The following CLDN11 variants were observed in gnomAD, a reference collection of about 807,000 sequenced individuals.
CLDN11 encodes claudin-11.
A neutral mutation model predicts 18.0 loss-of-function variants in CLDN11; 1 was observed. The ratio of observed to expected loss-of-function variants is 0.06; its 90% CI spans 0.02 to 0.26. The LOEUF (loss-of-function observed/expected upper bound fraction) is 0.26. CLDN11 is among the 10% of genes least tolerant of loss of function. The pLI, the probability that CLDN11 is intolerant of heterozygous loss-of-function variation, is 1.00. For synonymous variants in CLDN11, 116 were observed against 121.5 expected (o/e 0.96, Z 0.30); for missense variants, 172 against 276.6 (o/e 0.62, Z 2.68).
At chr3:170,430,993 A>G (rs1422050192) in intron 2 of CLDN11, among the ~76,000 whole-genome samples, 1 of 152,192 alleles carries the variant, frequency 6.6e-6, no homozygotes. Flanking sequence ...GATAGAAATC[A>G]TATCTTCCTA....
rs1469526720 is a variant in CLDN11, at chr3:170,418,893, C to A, written c.-174C>A. ...AGCGCTGCTGTCCCCGCCGTGCGCC[C>A]TTCGCCGCTGAGCTCGCAGCCTCCG... On this transcript the variant is annotated 5_prime_UTR_variant, in exon 1 of 3. Transcript: ENST00000064724. The surrounding 1 kb of genome is among the most constrained non-coding windows in gnomAD (Gnocchi z 4.3). The A allele has an allele frequency of 1.8e-6, 1 of 570,798 alleles. No homozygotes were observed. The highest frequency in any genetic ancestry group is 3.1e-6 in the Non-Finnish European group (1 of 323,108). 35.4% of individuals were successfully genotyped at this position (570,798 alleles called of 1,614,324 possible).
rs146067468 is a variant in CLDN11 at position 170,425,606 on chromosome 3, G to A, written c.391+2279G>A. Among the ~76,000 whole-genome samples, 1,451 of 152,282 alleles carry A rather than the reference G, an allele frequency of 9.5e-3. 25 individuals are homozygous for A. The highest frequency in any genetic ancestry group is 0.034 in the African/African-American group (1,400 of 41,550). ...ATCACAGAGGAAGAAAGCAAGGTGG[G>A]GCTGGGGAGTGGGTGAGTGCCTCAG... is the stretch of plus-strand genomic sequence containing the variant. On this transcript the variant is annotated intron_variant, in intron 2 of 2. Coordinates refer to ENST00000064724, the MANE Select transcript of CLDN11 (RefSeq NM_005602.6).
Position 170,420,090 on chromosome 3 carries a change from C to T in CLDN11, c.226+798C>T, listed in dbSNP as rs911050581. Among the ~76,000 whole-genome samples the T allele has an allele frequency of 2.0e-5, 3 of 152,242 alleles. No individual in the cohort carries two copies. In the South Asian group the frequency reaches 6.2e-4, roughly 31 times the overall value. On this transcript the variant is annotated intron_variant, in intron 1 of 2. Coordinates refer to ENST00000064724, the MANE Select transcript of CLDN11 (RefSeq NM_005602.6). The stretch of plus-strand genomic sequence containing the variant: ...CCGCCGAGGGTCGCTCGCCGCCACC[C>T]CTCCAGCGTGTCTCAGATTGGGAAG...
rs1049522986 is a variant in CLDN11, at chr3:170,419,856, C to G, written c.226+564C>G. ...CGCTGAGCAATTCACGTCCAGGGCT[C>G]TCTGGGCTGCCTGGTTTGGGAAATG... On this transcript the variant is annotated intron_variant, in intron 1 of 2. Transcript: ENST00000064724. This position sits in a 1 kb window ranked among gnomAD's most constrained non-coding sequence, Gnocchi z 8.6. Among the ~76,000 whole-genome samples, 1 of 152,276 alleles carries G rather than the reference C, an allele frequency of 6.6e-6. No individual in the cohort carries two copies.
At chr3:170,427,791 A>C (rs1458243951) in intron 2 of CLDN11, among the ~76,000 whole-genome samples, 1 of 149,278 alleles carries the variant, frequency 6.7e-6, no homozygotes, top group Non-Finnish European at 1.5e-5. Flanking sequence ...CCTGGGCGAC[A>C]GAGTGAGACT....
At chr3:170,420,905 T>A (rs1428510859) in intron 1 of CLDN11, among the ~76,000 whole-genome samples, 1 of 152,130 alleles carries the variant, frequency 6.6e-6, no homozygotes, top group Non-Finnish European at 1.5e-5. Context: ...CAACCACCCA[T>A]CTTTCACGAT....
intron 2 of CLDN11, among the ~76,000 whole-genome samples, chr3:170,430,017 A>C (rs1738957640): frequency 1.3e-5 from 2 of 151,934 alleles, no homozygotes; most frequent in Admixed American, 1.3e-4. Context: ...TCAGCTTTTC[A>C]CTCCCCTTCT....
chr3:170,428,835 A>C lies in CLDN11; in HGVS notation c.392-3689A>C, dbSNP rs543789595. Among the ~76,000 whole-genome samples, 19 of 152,364 alleles carry C rather than the reference A, an allele frequency of 1.2e-4. 1 individual carries two copies. The East Asian group carries it at 2.3e-3, about 19-fold the overall frequency. ...AAATAAACTCTGATGATATAAAAAG[A>C]AAAAGAACAAAAATTCCCTTTGTCT... On this transcript the variant is annotated intron_variant, in intron 2 of 2. Coordinates refer to ENST00000064724, the MANE Select transcript of CLDN11 (RefSeq NM_005602.6).
chr3:170,426,842 C>T (rs541273029), intron 2 of CLDN11, among the ~76,000 whole-genome samples: 3 of 152,176 alleles, frequency 2.0e-5, no homozygotes, highest in East Asian at 1.9e-4. Flanking sequence ...AGTGCAGTGG[C>T]GCAATCTTGG....
rs578027337 is a variant in CLDN11, at chr3:170,427,976, G to A, written c.392-4548G>A. On this transcript the variant is annotated intron_variant, in intron 2 of 2. Transcript: ENST00000064724. ...GTTCGAAACCAGCCTGGCCAACATGGCAAAACCCCATCCCTACTAAAAATA... is the reference window on the plus strand; with the variant it reads ...GTTCGAAACCAGCCTGGCCAACATGACAAAACCCCATCCCTACTAAAAATA... Among the ~76,000 whole-genome samples the A allele has an allele frequency of 2.0e-5, 3 of 151,926 alleles. No individual in the cohort carries two copies. In the South Asian group the frequency reaches 6.2e-4, roughly 32 times the overall value.
chr3:170,434,479 G>T lies in CLDN11; in HGVS notation c.*1723G>T, dbSNP rs1045793106. ...GAGAATTAACGAAACCTATTTTATT[G>T]GATCTTTAAGTAATAATATCTAAAT... On this transcript the variant is annotated 3_prime_UTR_variant, in exon 3 of 3. Coordinates refer to ENST00000064724, the MANE Select transcript of CLDN11 (RefSeq NM_005602.6). 2.6e-5 allele frequency among the ~76,000 whole-genome samples: 4 copies of T among 152,264 alleles called. No homozygotes were observed. In the South Asian group the frequency reaches 8.3e-4, roughly 32 times the overall value.
chr3:170,431,511 G>A (rs1289571018), intron 2 of CLDN11, among the ~76,000 whole-genome samples: 1 of 152,104 alleles, frequency 6.6e-6, no homozygotes, highest in Non-Finnish European at 1.5e-5. Context: ...TCAAAATTCA[G>A]TTCTTCATCT....
Position 170,419,012 on chromosome 3 carries a change from C to T in CLDN11, c.-55C>T. ...CGTACCTGGGCAGGCACTGTCCAGC[C>T]CAGGCCCAGGCACAGCCGTGAGGGG... On this transcript the variant is annotated 5_prime_UTR_variant, in exon 1 of 3. Transcript: ENST00000064724. This position sits in a 1 kb window ranked among gnomAD's most constrained non-coding sequence, Gnocchi z 8.6. 7.3e-7 allele frequency: 1 copy of T among 1,365,542 alleles called. No homozygotes were observed. The highest frequency in any genetic ancestry group is 1.0e-6 in the Non-Finnish European group (1 of 981,858). 84.6% of individuals were successfully genotyped at this position (1,365,542 alleles called of 1,614,324 possible). A position where few individuals can be genotyped will look rare whatever the true frequency, so the allele number is the denominator to read the frequency against.
At chr3:170,422,752 G>A (rs1381927006) in intron 1 of CLDN11, among the ~76,000 whole-genome samples, 1 of 152,186 alleles carries the variant, frequency 6.6e-6, no homozygotes, top group Non-Finnish European at 1.5e-5. Flanking sequence ...TGGAAAATAA[G>A]ACATCATGGT....
Position 170,423,201 on chromosome 3 carries a change from T to A in CLDN11, c.265T>A (p.Ser89Thr), listed in dbSNP as rs769233760. ...CTGCCGCGCCCTGATGATTGCTGCC[T>A]CGGTCCTGGGTCTGCCGGCCATTTT... Reference protein sequence around the residue: ...QACRALMIAASVLGLPAILLL... With the variant: ...QACRALMIAATVLGLPAILLL... The change falls in exon 2 of 3, where the codon TCG (serine) becomes ACG (threonine). Residue 89 changes from serine (S) to threonine (T), a missense_variant. Physicochemically the swap from Ser to Thr is moderately conservative, Grantham distance 58. Coordinates refer to ENST00000064724, the MANE Select transcript of CLDN11 (RefSeq NM_005602.6). 6.2e-7 allele frequency: 1 copy of A among 1,614,078 alleles called. No homozygotes were observed. Among genetic ancestry groups the A allele is most frequent in the African/African-American group, 1.3e-5 (1 of 74,926 alleles).
At position 170,432,504 on chromosome 3, in the gene CLDN11, G is replaced by A. The variant is rs371975234; in HGVS notation, c.392-20G>A. The A allele has an allele frequency of 3.1e-5, 50 of 1,610,090 alleles. No homozygotes were observed. The African/African-American group carries it at 4.3e-4, about 14-fold the overall frequency. Reference sequence around the variant, plus strand: ...TGTGTGATGGTTGCGCCCAGTCACCGCCTCTCCATGTCTCTCCAGCTCTCT... The same window carrying A: ...TGTGTGATGGTTGCGCCCAGTCACCACCTCTCCATGTCTCTCCAGCTCTCT... On this transcript the variant is annotated intron_variant, in intron 2 of 2. Coordinates refer to ENST00000064724, the MANE Select transcript of CLDN11 (RefSeq NM_005602.6).
chr3:170,422,335 C>T (rs1440602342), intron 1 of CLDN11, among the ~76,000 whole-genome samples: 1 of 152,190 alleles, frequency 6.6e-6, no homozygotes, highest in Non-Finnish European at 1.5e-5. Flanking sequence ...GTTTTAAGCA[C>T]TAAATAAATT....
Position 170,432,852 on chromosome 3 carries a change from G to T in CLDN11, c.*96G>T. On this transcript the variant is annotated 3_prime_UTR_variant, in exon 3 of 3. Coordinates refer to ENST00000064724, the MANE Select transcript of CLDN11 (RefSeq NM_005602.6). ...TGTGGGGAAGCCCATTCCTCTGCCA[G>T]GCTCTAAAGCCAAAGGTCTAGAAAA... 8.3e-7 allele frequency: 1 copy of T among 1,205,448 alleles called. No individual in the cohort carries two copies. The highest frequency in any genetic ancestry group is 1.2e-6 in the Non-Finnish European group (1 of 824,618). The allele number at this position is 1,205,448 out of a possible 1,614,324, so 74.7% of individuals were successfully genotyped here.
Position 170,419,936 on chromosome 3 carries a change from G to C in CLDN11, c.226+644G>C, listed in dbSNP as rs1738682783. ...CATCTCCGCTGCCCCCGCTACCCCC[G>C]CCCCTGCTGTGGGCGCGTCAGACTG... On this transcript the variant is annotated intron_variant, in intron 1 of 2. Transcript: ENST00000064724. This position sits in a 1 kb window ranked among gnomAD's most constrained non-coding sequence, Gnocchi z 8.6. Among the ~76,000 whole-genome samples the C allele has an allele frequency of 6.6e-6, 1 of 152,230 alleles. No homozygotes were observed. Among genetic ancestry groups the C allele is most frequent in the African/African-American group, 2.4e-5 (1 of 41,462 alleles).
Sources: allele counts gnomAD v4.1 joint callset (sites outside exome capture counted in the v4.1 genomes callset), GRCh38; gene constraint gnomAD v4.1.1; non-coding constraint Gnocchi (gnomAD v3.1); transcripts MANE v1.5; gene names NCBI Gene and HGNC (gene_info 2026-07-23, HGNC 2026-07-21).